The following GBP5 variants were observed in gnomAD, a reference collection of about 807,000 sequenced individuals.
GBP5 encodes the protein guanylate binding protein 5.
In GBP5, 48 loss-of-function variants were observed where a neutral mutation model predicts 58.2. The observed-to-expected ratio is 0.83, with a 90% CI of 0.65 to 1.05. The LOEUF (loss-of-function observed/expected upper bound fraction) is 1.05. Among genes scored for constraint, GBP5 ranks in the 50% least tolerant of loss-of-function variants. GBP5 has a pLI of 0.00. For synonymous variants in GBP5, 248 were observed against 251.8 expected (o/e 0.98, Z 0.14); for missense variants, 714 against 686.8 (o/e 1.04, Z -0.44).
At chr1:89,270,136 C>T (rs189884880) in intron 2 of GBP5, 21 of 152,230 alleles carry the variant, frequency 1.4e-4, no homozygotes, top group African/African-American at 4.8e-4. Context: ...TACTAATGTG[C>T]TTTATTAAAC....
chr1:89,267,614 CA>C, intron 4 of GBP5, 88 bp from the exon 5 acceptor site: 1 of 771,634 alleles, frequency 1.3e-6, no homozygotes, highest in South Asian at 1.5e-5. Flanking sequence ...AAATGTTTAA[CA>C]AGACAAAAGA....
rs1649964718 is a variant in GBP5, at chr1:89,260,444, G to A, written c.*260C>T. ...CCTGATGAAACCATCCCAATATCAC[G>A]CATAAATGAAGGCAGTGATACAATG... On this transcript the variant is annotated 3_prime_UTR_variant, in exon 12 of 12. Transcript: ENST00000370459. The A allele has an allele frequency of 3.3e-6, 1 of 299,496 alleles. No individual in the cohort carries two copies. Among genetic ancestry groups the A allele is most frequent in the Non-Finnish European group, 6.3e-6 (1 of 158,738 alleles). The allele number at this position is 299,496 out of a possible 1,614,324, so 18.6% of individuals were successfully genotyped here. A position where few individuals can be genotyped will look rare whatever the true frequency, so the allele number is the denominator to read the frequency against.
At position 89,263,965 on chromosome 1, in the gene GBP5, A is replaced by C; in HGVS notation, c.1150-17T>G. On this transcript the variant is annotated splice_polypyrimidine_tract_variant and intron_variant, in intron 8 of 11. Coordinates refer to ENST00000370459, the MANE Select transcript of GBP5 (RefSeq NM_052942.5). The stretch of plus-strand genomic sequence containing the variant: ...TAGTAGAGTCTTCAAAGAGACAAAA[A>C]CCCATGGAAAAGATGTTAGCAATAC... 1.4e-6 allele frequency: 2 copies of C among 1,458,668 alleles called. No individual in the cohort carries two copies. The highest frequency in any genetic ancestry group is 1.9e-6 in the Non-Finnish European group (2 of 1,044,200). The allele number at this position is 1,458,668 out of a possible 1,614,324, so 90.4% of individuals were successfully genotyped here.
chr1:89,268,897 T>A, intron 3 of GBP5, 41 bp from the exon 4 acceptor site: 2 of 1,598,794 alleles, frequency 1.3e-6, no homozygotes, highest in South Asian at 2.2e-5. Flanking sequence ...AGAGAAACTC[T>A]GGAAATTGGG....
At position 89,263,723 on chromosome 1, in the gene GBP5, G is replaced by T; in HGVS notation, c.1362+13C>A. 6.3e-7 allele frequency: 1 copy of T among 1,587,690 alleles called. No homozygotes were observed. The highest frequency in any genetic ancestry group is 8.6e-7 in the Non-Finnish European group (1 of 1,156,572). ...CCTCAGCAATTCTCCACAATAGGTA[G>T]AACTAGGGATACCTGTATTCCTTTC... On this transcript the variant is annotated intron_variant, in intron 9 of 11. Coordinates refer to ENST00000370459, the MANE Select transcript of GBP5 (RefSeq NM_052942.5).
At chr1:89,268,612 A>G (rs1377235582) in intron 4 of GBP5, 117 bp downstream of exon 4, 2 of 973,446 alleles carry the variant, frequency 2.1e-6, no homozygotes, top group Non-Finnish European at 3.2e-6. Flanking sequence ...ACAAAGGAAA[A>G]CAATGGGGGT....
In GBP5 at chr1:89,259,634, T is replaced by TC. The variant is rs1649920313; in HGVS notation, c.*1069dup. The TC allele has an allele frequency of 6.8e-6, 1 of 146,476 alleles. No homozygotes were observed. The highest frequency in any genetic ancestry group is 2.6e-5 in the African/African-American group (1 of 39,190). 9.1% of individuals were successfully genotyped at this position (146,476 alleles called of 1,614,324 possible). On this transcript the variant is annotated 3_prime_UTR_variant, in exon 12 of 12. Transcript: ENST00000370459. ...CCCCAGAGGAATATAACAAGCCCCC[T>TC]CCCCTAGCTGCCCTGCAGCTTATTT...
intron 11 of GBP5, 114 bp from the exon 12 acceptor site, chr1:89,260,931 T>C: frequency 1.4e-6 from 1 of 702,550 alleles, no homozygotes. Flanking sequence ...TGAATATCTC[T>C]CTTCCATTCA....
intron 1 of GBP5, chr1:89,272,066 C>G (rs974210562): frequency 6.6e-6 from 1 of 152,146 alleles, no homozygotes; most frequent in Non-Finnish European, 1.5e-5. Flanking sequence ...ATTCATTGTT[C>G]TTTCTCATGA....
chr1:89,271,581 TGC>T (rs1332532337), intron 1 of GBP5: 2 of 152,240 alleles, frequency 1.3e-5, no homozygotes, highest in Non-Finnish European at 2.9e-5. Context: ...GTTTTGCGCC[TGC>T]ATTTGTATAT....
Position 89,264,919 on chromosome 1 carries a change from C to T in GBP5, c.916G>A (p.Asp306Asn), listed in dbSNP as rs1557502372. Residue 306 changes from aspartate to asparagine, a missense_variant, in exon 8 of 12, where the codon GAT (aspartate) becomes AAT (asparagine). Asp to Asn is a conservative substitution (Grantham distance 23). Coordinates refer to ENST00000370459, the MANE Select transcript of GBP5 (RefSeq NM_052942.5). The part of the protein sequence containing the change: ...LTYVNAISSG[D>N]LPCIENAVLA... Reference sequence around the variant, plus strand: ...ACTGCATTCTCTATGCAAGGCAGATCCCCACTGCTGATGGCATTGACATAG... The same window carrying T: ...ACTGCATTCTCTATGCAAGGCAGATTCCCACTGCTGATGGCATTGACATAG... 3 of 1,614,164 alleles carry T rather than the reference C, an allele frequency of 1.9e-6. No homozygotes were observed. Among genetic ancestry groups the T allele is most frequent in the Non-Finnish European group, 2.5e-6 (3 of 1,180,008 alleles).
intron 4 of GBP5, among the ~76,000 whole-genome samples, chr1:89,268,417 A>T (rs1308363882): frequency 6.6e-6 from 1 of 152,212 alleles, no homozygotes; most frequent in Non-Finnish European, 1.5e-5. Context: ...TTCATTTAAG[A>T]ACAGAACCCA....
In GBP5 at chr1:89,267,100, T is replaced by A. The variant is rs1391534529; in HGVS notation, c.482A>T (p.Asp161Val). The change falls in exon 6 of 12, where the codon GAC (aspartate) becomes GTC (valine). Residue 161 changes from aspartate (D) to valine (V), a missense_variant. Transcript: ENST00000370459. ...AGAGTCAGCAGGATCTTCAACCCTGTCAAGGTCGGGTGAGTTTCTTGCCTT... is the reference window on the plus strand; with the variant it reads ...AGAGTCAGCAGGATCTTCAACCCTGACAAGGTCGGGTGAGTTTCTTGCCTT... ...LLKARNSPDL[D>V]RVEDPADSAS... 1.5e-5 allele frequency: 24 copies of A among 1,611,222 alleles called. No homozygotes were observed. The highest frequency in any genetic ancestry group is 2.0e-5 in the Non-Finnish European group (24 of 1,179,366).
Position 89,258,622 on chromosome 1 carries a change from A to C in GBP5, c.*2082T>G, listed in dbSNP as rs1649876254. Among the ~76,000 whole-genome samples the C allele has an allele frequency of 6.6e-6, 1 of 152,096 alleles. No individual in the cohort carries two copies. The highest frequency in any genetic ancestry group is 1.5e-5 in the Non-Finnish European group (1 of 68,008). On this transcript the variant is annotated 3_prime_UTR_variant, in exon 12 of 12. Coordinates refer to ENST00000370459, the MANE Select transcript of GBP5 (RefSeq NM_052942.5). ...GAACAGTAAAAAGAGCAGACACTAA[A>C]ATTTTTCGGCTTTTTTCTGTATATA...
chr1:89,261,071 C>T (rs1298949038), intron 11 of GBP5, among the ~76,000 whole-genome samples: 1 of 152,182 alleles, frequency 6.6e-6, no homozygotes, highest in Non-Finnish European at 1.5e-5. Context: ...CCCCCTTAAA[C>T]CACACGATCT....
chr1:89,266,828 T>C (rs1472566409), intron 6 of GBP5, 129 bp downstream of exon 6: 1 of 630,970 alleles, frequency 1.6e-6, no homozygotes, highest in African/African-American at 1.9e-5. Flanking sequence ...ATATTTATTA[T>C]TTATTTTTTA....
At position 89,256,862 on chromosome 1, in the gene GBP5, C is replaced by T. The variant is rs1649807172; in HGVS notation, c.*3842G>A. ...CAACCTACTAAGAAGTCTATCTTTACCCTGTATTATTCCTATAAAGTCTAT... is the reference window on the plus strand; with the variant it reads ...CAACCTACTAAGAAGTCTATCTTTATCCTGTATTATTCCTATAAAGTCTAT... On this transcript the variant is annotated 3_prime_UTR_variant, in exon 12 of 12. Transcript: ENST00000370459. Among the ~76,000 whole-genome samples, 1 of 152,068 alleles carries T rather than the reference C, an allele frequency of 6.6e-6. No individual in the cohort carries two copies. Among genetic ancestry groups the T allele is most frequent in the Non-Finnish European group, 1.5e-5 (1 of 68,010 alleles).
intron 6 of GBP5, 52 bp downstream of exon 6, chr1:89,266,905 A>C (rs530554777): frequency 2.6e-5 from 34 of 1,319,096 alleles, no homozygotes; most frequent in Non-Finnish European, 3.1e-5. Flanking sequence ...AAAAGAGATA[A>C]TTTCTTAGAT....
At position 89,260,463 on chromosome 1, in the gene GBP5, T is replaced by A. The variant is rs1649965539; in HGVS notation, c.*241A>T. The A allele has an allele frequency of 8.4e-6, 3 of 356,680 alleles. No homozygotes were observed. Among genetic ancestry groups the A allele is most frequent in the Admixed American group, 4.3e-5 (1 of 23,474 alleles). The allele number at this position is 356,680 out of a possible 1,614,324, so 22.1% of individuals were successfully genotyped here. Reference sequence around the variant, plus strand: ...TATCACGCATAAATGAAGGCAGTGATACAATGTCCCTTATACAATTTATAA... The same window carrying A: ...TATCACGCATAAATGAAGGCAGTGAAACAATGTCCCTTATACAATTTATAA... On this transcript the variant is annotated 3_prime_UTR_variant, in exon 12 of 12. Transcript: ENST00000370459.
Sources: gnomAD v4.1 joint callset for allele counts (sites outside exome capture counted in the v4.1 genomes callset) on GRCh38, gnomAD v4.1.1 for gene constraint, MANE v1.5 for transcripts, NCBI Gene and HGNC (gene_info 2026-07-23, HGNC 2026-07-21) for gene names.